The following SH3YL1 variants were observed in gnomAD, a reference collection of about 807,000 sequenced individuals.
SH3YL1 encodes the protein SH3 and SYLF domain containing 1, also known as SH3 domain-containing YSC84-like protein 1.
A neutral mutation model predicts 45.8 loss-of-function variants in SH3YL1; 41 were observed. The observed-to-expected ratio is 0.89, with a 90% CI of 0.70 to 1.16. The LOEUF (loss-of-function observed/expected upper bound fraction) is 1.16. SH3YL1 is among the 50% of genes most tolerant of loss of function. SH3YL1 has a pLI of 0.00. For synonymous variants in SH3YL1, 152 were observed against 151.4 expected (o/e 1.00, Z -0.03); for missense variants, 389 against 409.6 (o/e 0.95, Z 0.43).
At chr2:246,066 A>G (rs996600196) in intron 4 of SH3YL1, among the ~76,000 whole-genome samples, 17 of 151,704 alleles carry the variant, frequency 1.1e-4, no homozygotes, top group African/African-American at 2.4e-4. Flanking sequence ...GTGGTGGTGC[A>G]CGCCTGTAGT....
At chr2:252,004 T>C (rs1194532506) in intron 2 of SH3YL1, among the ~76,000 whole-genome samples, 2 of 152,210 alleles carry the variant, frequency 1.3e-5, no homozygotes, top group South Asian at 2.1e-4. Context: ...AAGTATGCTA[T>C]GAACACCCTT....
At chr2:225,208 A>G (rs538991688) in intron 8 of SH3YL1, among the ~76,000 whole-genome samples, 1 of 152,348 alleles carries the variant, frequency 6.6e-6, no homozygotes, top group East Asian at 1.9e-4. Flanking sequence ...TTCTTCTTCA[A>G]TTGCATTGAA....
At chr2:264,711 C>G, upstream of SH3YL1, 1 of 463,398 alleles carries the variant, frequency 2.2e-6, no homozygotes, top group East Asian at 4.0e-5. Flanking sequence ...ACCTGCAGCC[C>G]CGCCCCTGCA....
rs79748930 is a variant in SH3YL1, at chr2:261,800, C to T, written c.1+2184G>A. On this transcript the variant is annotated intron_variant, in intron 1 of 9. Transcript: ENST00000356150. ...CCAAGGGCCCCTCTCCACCACTTTC[C>T]TTACCAGAGTTCAGATTCCCAAACT... Among the ~76,000 whole-genome samples, 41 of 152,304 alleles carry T rather than the reference C, an allele frequency of 2.7e-4. No individual in the cohort carries two copies. In the East Asian group the frequency reaches 7.5e-3, roughly 28 times the overall value.
At chr2:256,968 A>T (rs1343355422) in intron 1 of SH3YL1, among the ~76,000 whole-genome samples, 8 of 152,220 alleles carry the variant, frequency 5.3e-5, no homozygotes, top group Admixed American at 5.2e-4. Flanking sequence ...TTCGTTTCTC[A>T]GATGACTAAT....
intron 1 of SH3YL1, among the ~76,000 whole-genome samples, chr2:258,520 A>C (rs1345363257): frequency 1.3e-5 from 2 of 152,148 alleles, no homozygotes; most frequent in Non-Finnish European, 2.9e-5. Flanking sequence ...TTCTAGTAAA[A>C]CAGGATTGTA....
chr2:252,933 T>C, intron 2 of SH3YL1, 72 bp downstream of exon 2: 1 of 871,412 alleles, frequency 1.1e-6, no homozygotes. Flanking sequence ...TGAAATGGAG[T>C]GTCGAACAAT....
At chr2:226,892 A>T (rs776093823) in intron 8 of SH3YL1, among the ~76,000 whole-genome samples, 12 of 152,112 alleles carry the variant, frequency 7.9e-5, no homozygotes, top group African/African-American at 2.9e-4. Context: ...TGGGCAGCAT[A>T]AATGGTGGAT....
intron 2 of SH3YL1, among the ~76,000 whole-genome samples, chr2:252,718 T>C (rs971005282): frequency 6.6e-6 from 1 of 152,002 alleles, no homozygotes; most frequent in African/African-American, 2.4e-5. Context: ...AAGAGGGAGG[T>C]TGGTCTGTAA....
intron 7 of SH3YL1, 145 bp from the exon 8 acceptor site, chr2:230,189 C>T (rs190168051): frequency 7.0e-6 from 4 of 574,128 alleles, no homozygotes; most frequent in Non-Finnish European, 1.3e-5. Flanking sequence ...CACATGCACC[C>T]CTCTGGACTC....
chr2:242,455 G>T (rs894059161), intron 4 of SH3YL1, among the ~76,000 whole-genome samples: 1 of 151,788 alleles, frequency 6.6e-6, no homozygotes, highest in Non-Finnish European at 1.5e-5. Context: ...CCATAAATTA[G>T]AAATAGTTAA....
intron 4 of SH3YL1, among the ~76,000 whole-genome samples, chr2:235,456 A>C: frequency 7.2e-5 from 1 of 13,832 alleles, no homozygotes; most frequent in African/African-American, 2.5e-4. Flanking sequence ...AGGGGAGGCA[A>C]CAGCATGGGC....
Position 218,907 on chromosome 2 carries a change from T to A in SH3YL1, c.933A>T (p.Thr311=), listed in dbSNP as rs1667464174. The A allele has an allele frequency of 6.2e-7, 1 of 1,614,154 alleles. No individual in the cohort carries two copies. Among genetic ancestry groups the A allele is most frequent in the Non-Finnish European group, 8.5e-7 (1 of 1,180,004 alleles). ...AATGTGAATCTGTTTTTGATATAACTGTGATTCTGTCTCCAGCTTGAAAAT... is the reference window on the plus strand; with the variant it reads ...AATGTGAATCTGTTTTTGATATAACAGTGATTCTGTCTCCAGCTTGAAAAT... ...DLNFQAGDRI[T]VISKTDSHFD... The change falls in exon 10 of 10, where the codon ACA becomes ACT. Residue 311 remains threonine, a synonymous_variant. Transcript: ENST00000356150.
At chr2:229,632 G>A (rs1667939754) in intron 8 of SH3YL1, among the ~76,000 whole-genome samples, 1 of 149,900 alleles carries the variant, frequency 6.7e-6, no homozygotes, top group Non-Finnish European at 1.5e-5. Context: ...GGGAGGCTGA[G>A]GCAGGAGAAT....
intron 2 of SH3YL1, among the ~76,000 whole-genome samples, chr2:252,631 A>G (rs1186049215): frequency 6.6e-6 from 1 of 152,190 alleles, no homozygotes; most frequent in Non-Finnish European, 1.5e-5. Flanking sequence ...TAATATCATT[A>G]TTTTATCATT....
At chr2:245,774 A>AT (rs1668770872) in intron 4 of SH3YL1, among the ~76,000 whole-genome samples, 1 of 152,186 alleles carries the variant, frequency 6.6e-6, no homozygotes, top group Non-Finnish European at 1.5e-5. Context: ...GGATGGTCTT[A>AT]TTTTGTCAAA....
chr2:221,384 AG>A (rs1407521542), intron 9 of SH3YL1, among the ~76,000 whole-genome samples: 18 of 152,202 alleles, frequency 1.2e-4, no homozygotes, highest in Non-Finnish European at 2.5e-4. Context: ...AAGCAGTTTC[AG>A]GAATATATTT....
At chr2:235,327 A>C (rs1668238647) in intron 4 of SH3YL1, among the ~76,000 whole-genome samples, 1 of 152,248 alleles carries the variant, frequency 6.6e-6, no homozygotes, top group Non-Finnish European at 1.5e-5. Flanking sequence ...ATGACCCATC[A>C]AATGAGAGGC....
At chr2:233,775 A>C (rs928728598) in intron 5 of SH3YL1, among the ~76,000 whole-genome samples, 12 of 152,218 alleles carry the variant, frequency 7.9e-5, no homozygotes, top group Non-Finnish European at 7.3e-5. Flanking sequence ...GGCTCAAAAA[A>C]AACACATCCA....
Sources: gnomAD v4.1 joint callset for allele counts (sites outside exome capture counted in the v4.1 genomes callset) on GRCh38, gnomAD v4.1.1 for gene constraint, MANE v1.5 for transcripts, NCBI Gene and HGNC (gene_info 2026-07-23, HGNC 2026-07-21) for gene names.